Variants in NDRG3 observed in about 807,000 individuals in gnomAD.
The protein encoded by NDRG3 is NDRG family member 3.
In NDRG3, 23 loss-of-function variants were observed where a neutral mutation model predicts 57.2. The observed-to-expected ratio is 0.40, with a 90% CI of 0.29 to 0.57. The LOEUF is 0.57. Ranked by LOEUF, NDRG3 falls within the 20% of genes least tolerant of loss-of-function variation. The pLI is 0.42. For synonymous variants in NDRG3, 132 were observed against 162.6 expected (o/e 0.81, Z 1.43); for missense variants, 384 against 457.3 (o/e 0.84, Z 1.46).
At chr20:36,739,471 G>T in intron 1 of NDRG3, among the ~76,000 whole-genome samples, 1 of 136,460 alleles carries the variant, frequency 7.3e-6, no homozygotes, top group East Asian at 2.0e-4. Flanking sequence ...AAAAAAAAAA[G>T]CTGTCAACTT....
At chr20:36,655,813 G>T (rs764519009) in intron 15 of NDRG3, among the ~76,000 whole-genome samples, 1 of 152,026 alleles carries the variant, frequency 6.6e-6, no homozygotes, top group Non-Finnish European at 1.5e-5. Flanking sequence ...TCTATAAATT[G>T]GCACTAATAA....
intron 2 of NDRG3, among the ~76,000 whole-genome samples, chr20:36,709,938 G>C (rs1462664858): frequency 2.0e-5 from 3 of 152,114 alleles, no homozygotes; most frequent in Non-Finnish European, 4.4e-5. Flanking sequence ...TCCAGCTTAA[G>C]ATATGTATGG....
intron 3 of NDRG3, among the ~76,000 whole-genome samples, chr20:36,705,301 G>A (rs1020958922): frequency 2.9e-4 from 42 of 143,602 alleles, no homozygotes; most frequent in African/African-American, 1.1e-3. Context: ...CAGCCTGGGC[G>A]ACTGAGCAAG....
chr20:36,706,946 C>T, intron 3 of NDRG3, 26 bp downstream of exon 3: 1 of 1,607,332 alleles, frequency 6.2e-7, no homozygotes, highest in Non-Finnish European at 8.5e-7. Flanking sequence ...TGTACAGAGC[C>T]TCCTTCTTGC....
intron 7 of NDRG3, 26 bp downstream of exon 7, chr20:36,682,492 T>G (rs1012224800): frequency 1.2e-6 from 2 of 1,602,202 alleles, no homozygotes; most frequent in African/African-American, 2.7e-5. Flanking sequence ...CTCAAGGATG[T>G]TGAGGCTAAT....
chr20:36,704,217 C>A (rs1222895174), intron 3 of NDRG3, among the ~76,000 whole-genome samples: 2 of 152,114 alleles, frequency 1.3e-5, no homozygotes, highest in Non-Finnish European at 2.9e-5. Flanking sequence ...GCTCGGATTA[C>A]AGACGCAAAC....
At chr20:36,701,052 G>C (rs1436633249) in intron 3 of NDRG3, among the ~76,000 whole-genome samples, 1 of 152,090 alleles carries the variant, frequency 6.6e-6, no homozygotes, top group Non-Finnish European at 1.5e-5. Flanking sequence ...GGGAATATAG[G>C]CATGAGCCAC....
chr20:36,665,354 C>T, intron 10 of NDRG3, 53 bp from the exon 11 acceptor site: 1 of 1,545,812 alleles, frequency 6.5e-7, no homozygotes, highest in Non-Finnish European at 8.9e-7. Flanking sequence ...CATAGCAACT[C>T]AGGTTATTTT....
At position 36,653,580 on chromosome 20, in the gene NDRG3, T is replaced by A. The variant is rs1459966892; in HGVS notation, c.1068A>T (p.Gln356His). The change falls in exon 16 of 16, where the codon CAA becomes CAT. Residue 356 changes from glutamine to histidine, a missense_variant. Gln to His is a conservative substitution (Grantham distance 24). Coordinates refer to ENST00000349004, the MANE Select transcript of NDRG3 (RefSeq NM_032013.4). The surrounding 1 kb of genome is among the most constrained non-coding windows in gnomAD (Gnocchi z 4.2). Reference protein sequence around the residue: ...SVTSNQSDGTQESCESPDVLD... With the variant: ...SVTSNQSDGTHESCESPDVLD... ...GGACATCAGGGGACTCACAGGATTC[T>A]TGAGTTCCATCTGACTGATTGCTGG... The A allele has an allele frequency of 6.2e-7, 1 of 1,614,214 alleles. No individual in the cohort carries two copies. Among genetic ancestry groups the A allele is most frequent in the African/African-American group, 1.3e-5 (1 of 75,072 alleles).
At chr20:36,685,385 A>C (rs1981694715) in intron 5 of NDRG3, among the ~76,000 whole-genome samples, 1 of 152,046 alleles carries the variant, frequency 6.6e-6, no homozygotes, top group African/African-American at 2.4e-5. Flanking sequence ...ATCATAGCTC[A>C]CTGTAACCTT....
intron 3 of NDRG3, among the ~76,000 whole-genome samples, chr20:36,705,174 T>A (rs1983469434): frequency 6.6e-6 from 1 of 151,600 alleles, no homozygotes; most frequent in Non-Finnish European, 1.5e-5. Context: ...TAAAAAAAAT[T>A]AGCCAGGTGT....
intron 3 of NDRG3, among the ~76,000 whole-genome samples, chr20:36,703,064 C>A (rs993796717): frequency 7.2e-5 from 11 of 152,084 alleles, no homozygotes; most frequent in African/African-American, 2.7e-4. Context: ...AGGTGATCTA[C>A]CCGCAGAATT....
At position 36,720,793 on chromosome 20, in the gene NDRG3, C is replaced by T. The variant is rs369447823; in HGVS notation, c.57+886G>A. On this transcript the variant is annotated intron_variant, in intron 2 of 15. Coordinates refer to ENST00000349004, the MANE Select transcript of NDRG3 (RefSeq NM_032013.4). ...CTTTTCTTTTTTTTTTTTTTTGAGA[C>T]AGAGTCTCACTGAGTCACCCAGACT... Among the ~76,000 whole-genome samples the T allele has an allele frequency of 9.5e-5, 14 of 146,694 alleles. No homozygotes were observed. In the East Asian group the frequency reaches 1.0e-3, roughly 10 times the overall value.
chr20:36,706,467 C>A (rs1480499785), intron 3 of NDRG3, among the ~76,000 whole-genome samples: 1 of 152,086 alleles, frequency 6.6e-6, no homozygotes, highest in Non-Finnish European at 1.5e-5. Context: ...AGGTACCTGG[C>A]AGGCAATTTC....
At chr20:36,731,294 G>A (rs1482133003) in intron 1 of NDRG3, among the ~76,000 whole-genome samples, 1 of 152,086 alleles carries the variant, frequency 6.6e-6, no homozygotes, top group Non-Finnish European at 1.5e-5. Context: ...GATGCTAGAG[G>A]AAAGGCAGAA....
In NDRG3 at chr20:36,733,171, A is replaced by AAATATAT. The variant is rs1555807709; in HGVS notation, c.-48-11389_-48-11388insATATATT. On this transcript the variant is annotated intron_variant, in intron 1 of 15. Coordinates refer to ENST00000349004, the MANE Select transcript of NDRG3 (RefSeq NM_032013.4). Reference sequence around the variant, plus strand: ...CAAAAAAAAAAAAAAAAAAAAAAAAAATATATATATATATATATATATATA... The same window carrying AAATATAT: ...CAAAAAAAAAAAAAAAAAAAAAAAAAAATATATATATATATATATATATATATATATA... 2.3e-3 allele frequency among the ~76,000 whole-genome samples: 75 copies of AAATATAT among 33,110 alleles called. 1 individual carries two copies. The highest frequency in any genetic ancestry group is 3.2e-3 in the Non-Finnish European group (57 of 17,924). The allele number at this position is 33,110 out of a possible 152,430, so 21.7% of individuals were successfully genotyped here.
At chr20:36,685,792 C>A (rs192446226) in intron 5 of NDRG3, among the ~76,000 whole-genome samples, 1 of 152,152 alleles carries the variant, frequency 6.6e-6, no homozygotes, top group African/African-American at 2.4e-5. Context: ...CCAGATTGCT[C>A]AAGCCCAGGA....
At chr20:36,711,572 T>A (rs1193928796) in intron 2 of NDRG3, among the ~76,000 whole-genome samples, 3 of 152,156 alleles carry the variant, frequency 2.0e-5, no homozygotes, top group Non-Finnish European at 2.9e-5. Flanking sequence ...ACCATGACCA[T>A]GAGGCATTCT....
At chr20:36,681,232 CTTTGT>C (rs1380380747) in intron 7 of NDRG3, among the ~76,000 whole-genome samples, 13 of 152,240 alleles carry the variant, frequency 8.5e-5, no homozygotes, top group African/African-American at 3.1e-4. Flanking sequence ...GCTCATATAT[CTTTGT>C]TCTCAACAGA....
Sources: allele counts gnomAD v4.1 joint callset (sites outside exome capture counted in the v4.1 genomes callset), GRCh38; gene constraint gnomAD v4.1.1; non-coding constraint Gnocchi (gnomAD v3.1); transcripts MANE v1.5; gene names NCBI Gene and HGNC (gene_info 2026-07-23, HGNC 2026-07-21).